PIK3C2G: variants seen among roughly 807,000 people sequenced by gnomAD.
The protein encoded by PIK3C2G is phosphatidylinositol 3-kinase C2 domain-containing subunit gamma.
A neutral mutation model predicts 181.1 loss-of-function variants in PIK3C2G; 168 were observed. The observed-to-expected ratio is 0.93, with a 90% CI of 0.82 to 1.05. The LOEUF (loss-of-function observed/expected upper bound fraction) is 1.05, where lower values mean the gene tolerates loss of function less well. PIK3C2G is among the 50% of genes least tolerant of loss of function. The probability of loss-of-function intolerance (pLI) is 0.00; values close to 1 mark genes in which losing one functional copy is unlikely to be tolerated. For missense variants in PIK3C2G, 1,869 were observed against 1,732.8 expected, an observed-to-expected ratio of 1.08 and a Z score of -1.40; for synonymous variants, 573 against 592.2, an observed-to-expected ratio of 0.97 and a Z score of 0.47.
chr12:18,486,701 A>G (rs1940075381), intron 18 of PIK3C2G, among the ~76,000 whole-genome samples: 1 of 152,092 alleles, frequency 6.6e-6, no homozygotes, highest in South Asian at 2.1e-4. Context: ...AGTGTATGAA[A>G]GTGCTGACAA....
chr12:18,651,299 T>C (rs546123147), downstream of PIK3C2G, among the ~76,000 whole-genome samples: 1 of 152,214 alleles, frequency 6.6e-6, no homozygotes, highest in South Asian at 2.1e-4. Flanking sequence ...TGTCTCCGTC[T>C]CTGCCCTGCC....
chr12:18,286,149 A>G (rs1384462545), intron 2 of PIK3C2G, among the ~76,000 whole-genome samples: 1 of 152,006 alleles, frequency 6.6e-6, no homozygotes, highest in Non-Finnish European at 1.5e-5. Flanking sequence ...GTATGTACCT[A>G]ATAACAGTTT....
At chr12:18,419,703 A>G (rs965848694) in intron 16 of PIK3C2G, among the ~76,000 whole-genome samples, 7 of 152,206 alleles carry the variant, frequency 4.6e-5, no homozygotes, top group African/African-American at 1.7e-4. Context: ...CTTGCAGGTC[A>G]GAAATAAGAG....
the PIK3C2G span, among the ~76,000 whole-genome samples, chr12:18,695,608 T>C: frequency 1.3e-5 from 2 of 150,970 alleles, no homozygotes; most frequent in Non-Finnish European, 2.9e-5. Flanking sequence ...ATATCCCCCC[T>C]CCTCACACCT....
At chr12:18,282,831 G>T in intron 2 of PIK3C2G, 72 bp downstream of exon 2, 1 of 1,065,752 alleles carries the variant, frequency 9.4e-7, no homozygotes, top group South Asian at 2.0e-5. Context: ...GGGTTAATTT[G>T]GTAATGAAGA....
intron 18 of PIK3C2G, among the ~76,000 whole-genome samples, chr12:18,465,558 T>C (rs1268372887): frequency 6.6e-6 from 1 of 151,910 alleles, no homozygotes; most frequent in Non-Finnish European, 1.5e-5. Context: ...TTGAAAGATA[T>C]GTTTAGTGAA....
intron 31 of PIK3C2G, among the ~76,000 whole-genome samples, chr12:18,628,388 C>T (rs1247724514): frequency 6.6e-6 from 1 of 151,998 alleles, no homozygotes; most frequent in Non-Finnish European, 1.5e-5. Context: ...CATGCTACTG[C>T]TTTTTTTCTG....
At chr12:18,604,661 A>G (rs1947916676) in intron 30 of PIK3C2G, among the ~76,000 whole-genome samples, 13 of 152,188 alleles carry the variant, frequency 8.5e-5, no homozygotes, top group Admixed American at 7.2e-4. Context: ...ATGAGCCTCA[A>G]TAAAGTTAAG....
chr12:18,674,874 G>A, the PIK3C2G span, among the ~76,000 whole-genome samples: 1 of 152,114 alleles, frequency 6.6e-6, no homozygotes, highest in Non-Finnish European at 1.5e-5. Flanking sequence ...AGCCTGTGAA[G>A]AACCCTGGGA....
At chr12:18,425,199 T>G (rs555692539) in intron 18 of PIK3C2G, 1 of 158,198 alleles carries the variant, frequency 6.3e-6, no homozygotes, top group Non-Finnish European at 1.4e-5. Context: ...CTAAATAGAT[T>G]TCTCAATAAT....
At chr12:18,583,497 G>A (rs143288413) in intron 29 of PIK3C2G, among the ~76,000 whole-genome samples, 37 of 152,186 alleles carry the variant, frequency 2.4e-4, no homozygotes, top group Non-Finnish European at 4.3e-4. Flanking sequence ...CCAGTGGGAG[G>A]GGTGGGTTGC....
intron 9 of PIK3C2G, 113 bp downstream of exon 9, chr12:18,338,661 ATC>A (rs1255775723): frequency 9.2e-6 from 5 of 544,838 alleles, no homozygotes; most frequent in East Asian, 6.4e-5. Flanking sequence ...GTTTGTGTGT[ATC>A]TGTGTGTGTG....
At chr12:18,699,027 G>A in the PIK3C2G span, among the ~76,000 whole-genome samples, 3 of 152,110 alleles carry the variant, frequency 2.0e-5, no homozygotes, top group Non-Finnish European at 4.4e-5. Flanking sequence ...CCCACATAAT[G>A]AGTCTTCTTT....
At chr12:18,399,182 G>A (rs1284221438) in intron 15 of PIK3C2G, among the ~76,000 whole-genome samples, 1 of 112,916 alleles carries the variant, frequency 8.9e-6, no homozygotes, top group Non-Finnish European at 1.9e-5. Flanking sequence ...GTGACAGAGC[G>A]AGACTCCGTC....
rs1228317557 is a variant in PIK3C2G at position 18,392,125 on chromosome 12, G to A, written c.2126+873G>A. Among the ~76,000 whole-genome samples the A allele has an allele frequency of 2.0e-5, 3 of 152,062 alleles. No homozygotes were observed. In the East Asian group the frequency reaches 5.8e-4, roughly 29 times the overall value. Reference sequence around the variant, plus strand: ...AGGCCATGATGGCTAGAACTAAGATGATAGCAGTGGATATTCATAGAAGTG... The same window carrying A: ...AGGCCATGATGGCTAGAACTAAGATAATAGCAGTGGATATTCATAGAAGTG... On this transcript the variant is annotated intron_variant, in intron 15 of 32. Coordinates refer to ENST00000538779, the MANE Select transcript of PIK3C2G (RefSeq NM_001288772.2).
chr12:18,260,287 GA>G (rs1948200879), upstream of PIK3C2G, among the ~76,000 whole-genome samples: 2 of 151,990 alleles, frequency 1.3e-5, no homozygotes, highest in South Asian at 4.1e-4. Context: ...AATTTAAAGA[GA>G]TTTTTAAGGG....
chr12:18,581,173 A>G (rs1244091543), intron 29 of PIK3C2G, among the ~76,000 whole-genome samples: 1 of 152,244 alleles, frequency 6.6e-6, no homozygotes, highest in Non-Finnish European at 1.5e-5. Context: ...AAAGTATCTG[A>G]ACTTAAACTG....
rs1355924497 is a variant in PIK3C2G at position 18,478,509 on chromosome 12, G to C, written c.2505-9940G>C. On this transcript the variant is annotated intron_variant, in intron 18 of 32. Transcript: ENST00000538779. ...GCCATTTGTCTAAATAAACCAAGGA[G>C]GCCAGACCCTTTGAAACTGTGATGT... Among the ~76,000 whole-genome samples, 2 of 152,110 alleles carry C rather than the reference G, an allele frequency of 1.3e-5. 1 individual carries two copies. The highest frequency in any genetic ancestry group is 4.1e-4 in the South Asian group (2 of 4,822).
chr12:18,559,171 T>C (rs1200111782), intron 26 of PIK3C2G, among the ~76,000 whole-genome samples: 1 of 152,250 alleles, frequency 6.6e-6, no homozygotes, highest in African/African-American at 2.4e-5. Flanking sequence ...TTTTACTTTA[T>C]ATTTTCCTGT....
Sources: gnomAD v4.1 joint callset for allele counts (sites outside exome capture counted in the v4.1 genomes callset) on GRCh38, gnomAD v4.1.1 for gene constraint, MANE v1.5 for transcripts, NCBI Gene and HGNC (gene_info 2026-07-23, HGNC 2026-07-21) for gene names.